ATXN1: variants seen among roughly 807,000 people sequenced by gnomAD.
The protein encoded by ATXN1 is ataxin-1.
Under a neutral mutation model 56.4 loss-of-function variants are expected in ATXN1, and 8 were observed. The observed-to-expected ratio is 0.14, with a 90% CI of 0.08 to 0.26. ATXN1 has a LOEUF of 0.26. ATXN1 is among the 10% of genes least tolerant of loss of function. The pLI is 1.00. For missense variants in ATXN1, 987 were observed against 1,106.5 expected (o/e 0.89, Z 1.53); for synonymous variants, 514 against 494.6 (o/e 1.04, Z -0.52).
At chr6:16,407,976 G>A (rs1316616037) in intron 6 of ATXN1, among the ~76,000 whole-genome samples, 1 of 152,196 alleles carries the variant, frequency 6.6e-6, no homozygotes, top group African/African-American at 2.4e-5. Context: ...GGAAGGAACT[G>A]ACCCAGAGTG....
At chr6:16,596,915 C>G (rs745423782) in intron 3 of ATXN1, among the ~76,000 whole-genome samples, 1 of 152,182 alleles carries the variant, frequency 6.6e-6, no homozygotes, top group African/African-American at 2.4e-5. Context: ...CACACACCCA[C>G]GAATTTCATC....
rs185805480 is a variant in ATXN1 at position 16,431,764 on chromosome 6, G to A, written c.-161+54208C>T. Among the ~76,000 whole-genome samples the A allele has an allele frequency of 1.4e-4, 22 of 152,184 alleles. No individual in the cohort carries two copies. In the East Asian group the frequency reaches 1.9e-3, roughly 13 times the overall value. On this transcript the variant is annotated intron_variant, in intron 6 of 7. Transcript: ENST00000436367. ...CTCCACGATATCAAAATCCTTCTTC[G>A]CCACTATGCAACTGTGCTTTCGTGT...
intron 3 of ATXN1, among the ~76,000 whole-genome samples, chr6:16,605,435 T>C (rs1187216332): frequency 6.6e-6 from 1 of 152,054 alleles, no homozygotes; most frequent in Non-Finnish European, 1.5e-5. Flanking sequence ...GGGCTGCCCA[T>C]GAGCCCTGCA....
intron 2 of ATXN1, among the ~76,000 whole-genome samples, chr6:16,731,837 A>G (rs1454921364): frequency 6.6e-6 from 1 of 151,996 alleles, no homozygotes; most frequent in African/African-American, 2.4e-5. Flanking sequence ...AGTGTTCAAT[A>G]TAGCAAATGT....
intron 6 of ATXN1, among the ~76,000 whole-genome samples, chr6:16,346,148 T>C (rs950311818): frequency 6.6e-5 from 10 of 152,326 alleles, no homozygotes; most frequent in African/African-American, 2.2e-4. Context: ...CTCCGCCTCC[T>C]GGGTTCAAGC....
intron 3 of ATXN1, among the ~76,000 whole-genome samples, chr6:16,613,432 A>C (rs1277368844): frequency 1.3e-5 from 2 of 151,968 alleles, no homozygotes; most frequent in Non-Finnish European, 2.9e-5. Flanking sequence ...AGTTTCAGAG[A>C]ACAAACCAAA....
At chr6:16,336,625 C>T (rs916903470) in intron 6 of ATXN1, among the ~76,000 whole-genome samples, 1 of 152,204 alleles carries the variant, frequency 6.6e-6, no homozygotes, top group African/African-American at 2.4e-5. Context: ...GCTTTTGAAA[C>T]AAGCTCTCTC....
At chr6:16,355,233 T>A (rs2113466254) in intron 6 of ATXN1, among the ~76,000 whole-genome samples, 1 of 152,330 alleles carries the variant, frequency 6.6e-6, no homozygotes, top group South Asian at 2.1e-4. Context: ...TGCCCACAGA[T>A]GCCGCTGTAC....
intron 5 of ATXN1, among the ~76,000 whole-genome samples, chr6:16,487,089 C>T (rs577193935): frequency 2.8e-4 from 42 of 152,230 alleles, no homozygotes; most frequent in African/African-American, 9.1e-4. Context: ...TCTCCTGGAA[C>T]GATACTATCA....
At chr6:16,510,402 C>T (rs528467105) in intron 5 of ATXN1, among the ~76,000 whole-genome samples, 2 of 152,328 alleles carry the variant, frequency 1.3e-5, no homozygotes, top group South Asian at 4.1e-4. Flanking sequence ...CCAAACATAA[C>T]TTACATAACT....
intron 3 of ATXN1, among the ~76,000 whole-genome samples, chr6:16,629,360 C>T (rs1351741011): frequency 1.3e-5 from 2 of 152,112 alleles, no homozygotes; most frequent in Non-Finnish European, 2.9e-5. Context: ...CAGAGTCATG[C>T]TCTGTCACCC....
chr6:16,314,557 G>T (rs1354014100), intron 7 of ATXN1, among the ~76,000 whole-genome samples: 1 of 152,010 alleles, frequency 6.6e-6, no homozygotes, highest in African/African-American at 2.4e-5. Flanking sequence ...TGAATTCCTT[G>T]AATTTAAAAC....
rs1020122566 is a variant in ATXN1, at chr6:16,691,160, G to C, written c.-614-33259C>G. Among the ~76,000 whole-genome samples, 8 of 152,334 alleles carry C rather than the reference G, an allele frequency of 5.3e-5. No homozygotes were observed. The South Asian group carries it at 6.2e-4, about 12-fold the overall frequency. ...TTGGAATTTCATTGTAAGTGTCGCA[G>C]AAATATCCCTTTGGAATCAGGTCCC... On this transcript the variant is annotated intron_variant, in intron 2 of 7. Coordinates refer to ENST00000436367, the MANE Select transcript of ATXN1 (RefSeq NM_001128164.2).
At chr6:16,561,783 C>T (rs1237119411) in intron 4 of ATXN1, among the ~76,000 whole-genome samples, 1 of 151,962 alleles carries the variant, frequency 6.6e-6, no homozygotes, top group Non-Finnish European at 1.5e-5. Flanking sequence ...GTGAAAGAAA[C>T]CAGAGATGCA....
intron 5 of ATXN1, among the ~76,000 whole-genome samples, chr6:16,487,041 AT>A (rs976413684): frequency 3.3e-5 from 5 of 151,972 alleles, no homozygotes; most frequent in Admixed American, 2.0e-4. Flanking sequence ...GGATTTCTTG[AT>A]TTTTTTCCCC....
intron 6 of ATXN1, among the ~76,000 whole-genome samples, chr6:16,422,595 G>C (rs544077176): frequency 6.6e-6 from 1 of 152,268 alleles, no homozygotes; most frequent in East Asian, 1.9e-4. Flanking sequence ...TCCCTAGCTA[G>C]TTGAGGGGCA....
chr6:16,468,578 C>T (rs2113635902), intron 6 of ATXN1, among the ~76,000 whole-genome samples: 1 of 152,294 alleles, frequency 6.6e-6, no homozygotes, highest in South Asian at 2.1e-4. Flanking sequence ...GATGAATGAA[C>T]AGTCACTGGA....
chr6:16,508,172 T>A (rs941165123), intron 5 of ATXN1, among the ~76,000 whole-genome samples: 1 of 152,004 alleles, frequency 6.6e-6, no homozygotes, highest in Non-Finnish European at 1.5e-5. Flanking sequence ...AAACACAGAG[T>A]AGATGAACGT....
chr6:16,726,693 CAT>C (rs1759858048), intron 2 of ATXN1, among the ~76,000 whole-genome samples: 1 of 151,850 alleles, frequency 6.6e-6, no homozygotes, highest in South Asian at 2.1e-4. Context: ...GGTGAAACTC[CAT>C]CTCTACTAAA....
Sources: allele counts gnomAD v4.1 joint callset (sites outside exome capture counted in the v4.1 genomes callset), GRCh38; gene constraint gnomAD v4.1.1; transcripts MANE v1.5; gene names NCBI Gene and HGNC (gene_info 2026-07-23, HGNC 2026-07-21).